The following NKAIN2 variants were observed in gnomAD, a reference collection of about 807,000 sequenced individuals.
NKAIN2 encodes sodium/potassium-transporting ATPase subunit beta-1-interacting protein 2.
In NKAIN2, 14 loss-of-function variants were observed where a neutral mutation model predicts 32.6. The observed-to-expected ratio is 0.43, with a 90% CI of 0.28 to 0.67. The LOEUF (loss-of-function observed/expected upper bound fraction) is 0.67, where lower values mean the gene tolerates loss of function less well. Ranked by LOEUF, NKAIN2 falls within the 30% of genes least tolerant of loss-of-function variation. The probability of loss-of-function intolerance (pLI) is 0.17; values close to 1 mark genes in which losing one functional copy is unlikely to be tolerated. For synonymous variants in NKAIN2, 80 were observed against 87.2 expected (o/e 0.92, Z 0.46); for missense variants, 198 against 258.3 (o/e 0.77, Z 1.60).
chr6:124,186,888 A>T (rs951747247), intron 1 of NKAIN2, among the ~76,000 whole-genome samples: 1 of 152,168 alleles, frequency 6.6e-6, no homozygotes, highest in African/African-American at 2.4e-5. Flanking sequence ...TAAATATTTC[A>T]TTATTGGGGC....
At chr6:124,601,753 T>C (rs1782315231) in intron 3 of NKAIN2, among the ~76,000 whole-genome samples, 3 of 151,930 alleles carry the variant, frequency 2.0e-5, no homozygotes, top group African/African-American at 4.8e-5. Flanking sequence ...AACAAATATG[T>C]AGGAAAAATG....
At chr6:123,947,051 C>T (rs1018759470) in intron 1 of NKAIN2, among the ~76,000 whole-genome samples, 1 of 152,192 alleles carries the variant, frequency 6.6e-6, no homozygotes, top group Non-Finnish European at 1.5e-5. Flanking sequence ...GCTTGGCTTC[C>T]TACATTCAGG....
chr6:124,029,913 C>T (rs558586920), intron 1 of NKAIN2, among the ~76,000 whole-genome samples: 9 of 152,080 alleles, frequency 5.9e-5, no homozygotes, highest in East Asian at 1.9e-4. Flanking sequence ...ATCTAGGTTG[C>T]GTGCTCCTTA....
intron 1 of NKAIN2, among the ~76,000 whole-genome samples, chr6:123,854,652 A>T (rs1013302330): frequency 3.3e-5 from 5 of 152,172 alleles, no homozygotes; most frequent in Non-Finnish European, 7.3e-5. Context: ...ATCCAAATTT[A>T]CAGACAAGTA....
chr6:124,169,546 T>A (rs1471988941), intron 1 of NKAIN2, among the ~76,000 whole-genome samples: 1 of 152,214 alleles, frequency 6.6e-6, no homozygotes, highest in Non-Finnish European at 1.5e-5. Flanking sequence ...GGCAAAAAGA[T>A]AAGTTCACTG....
intron 3 of NKAIN2, among the ~76,000 whole-genome samples, chr6:124,433,384 C>G (rs141566632): frequency 5.5e-4 from 83 of 152,286 alleles, no homozygotes; most frequent in African/African-American, 2.0e-3. Flanking sequence ...CATTGCTGCC[C>G]TTGGAGGGGC....
chr6:124,575,172 G>A (rs1349493282), intron 3 of NKAIN2, among the ~76,000 whole-genome samples: 1 of 152,194 alleles, frequency 6.6e-6, no homozygotes, highest in Non-Finnish European at 1.5e-5. Context: ...CTTTAGGGGA[G>A]ATGGTGGCCC....
intron 1 of NKAIN2, among the ~76,000 whole-genome samples, chr6:123,903,426 T>C (rs182585299): frequency 6.6e-6 from 1 of 152,328 alleles, no homozygotes; most frequent in African/African-American, 2.4e-5. Context: ...TCAAGATTCC[T>C]CCATTTTATG....
At chr6:124,514,359 C>G (rs1268445437) in intron 3 of NKAIN2, among the ~76,000 whole-genome samples, 1 of 152,138 alleles carries the variant, frequency 6.6e-6, no homozygotes. Context: ...GCTATCCCAG[C>G]AAGCCTGATG....
chr6:124,383,317 A>AT (rs1772730106), intron 3 of NKAIN2, among the ~76,000 whole-genome samples: 1 of 151,976 alleles, frequency 6.6e-6, no homozygotes, highest in African/African-American at 2.4e-5. Context: ...TCTCCAATCC[A>AT]TTTTTTTGAC....
intron 2 of NKAIN2, among the ~76,000 whole-genome samples, chr6:124,303,901 G>A (rs1796400984): frequency 6.6e-6 from 1 of 152,164 alleles, no homozygotes; most frequent in African/African-American, 2.4e-5. Flanking sequence ...TGAATGATTT[G>A]TTCATGATTG....
At chr6:124,294,931 GTT>G (rs1422024933) in intron 2 of NKAIN2, among the ~76,000 whole-genome samples, 1 of 152,118 alleles carries the variant, frequency 6.6e-6, no homozygotes, top group East Asian at 1.9e-4. Flanking sequence ...TACCAGTTAT[GTT>G]TATGGAATTT....
chr6:124,301,301 C>T (rs183418732), intron 2 of NKAIN2, among the ~76,000 whole-genome samples: 7 of 152,276 alleles, frequency 4.6e-5, no homozygotes, highest in African/African-American at 1.7e-4. Flanking sequence ...GGAACTGCTG[C>T]CTAGATTTCA....
chr6:123,984,292 AT>A (rs942431156), intron 1 of NKAIN2, among the ~76,000 whole-genome samples: 2 of 151,914 alleles, frequency 1.3e-5, no homozygotes, highest in Admixed American at 6.6e-5. Flanking sequence ...TTAGTTCCTG[AT>A]TTTTTTTATT....
At chr6:123,909,197 G>A (rs895539024) in intron 1 of NKAIN2, among the ~76,000 whole-genome samples, 1 of 151,896 alleles carries the variant, frequency 6.6e-6, no homozygotes, top group African/African-American at 2.4e-5. Flanking sequence ...TTGAATCTGT[G>A]CCCTATCTAC....
intron 3 of NKAIN2, among the ~76,000 whole-genome samples, chr6:124,356,306 C>T (rs1194991194): frequency 6.6e-6 from 1 of 152,154 alleles, no homozygotes; most frequent in Non-Finnish European, 1.5e-5. Flanking sequence ...AATGGTAATA[C>T]ACATTTATGA....
Position 124,331,398 on chromosome 6 carries a change from G to A in NKAIN2, c.193-23869G>A, listed in dbSNP as rs150885024. ...AAAAAAACTAGCTGGGCGTGGTGGC[G>A]GATGCCTGTAGTCCCAACTACACGG... is the stretch of plus-strand genomic sequence containing the variant. On this transcript the variant is annotated intron_variant, in intron 2 of 6. Coordinates refer to ENST00000368417, the MANE Select transcript of NKAIN2 (RefSeq NM_001040214.3). Among the ~76,000 whole-genome samples, 701 of 144,414 alleles carry A rather than the reference G, an allele frequency of 4.9e-3. 7 individuals are homozygous for A. Among genetic ancestry groups the A allele is most frequent in the African/African-American group, 0.016 (628 of 38,538 alleles). 94.7% of individuals were successfully genotyped at this position (144,414 alleles called of 152,430 possible).
intron 1 of NKAIN2, among the ~76,000 whole-genome samples, chr6:123,947,939 C>A (rs960129302): frequency 6.6e-6 from 1 of 152,102 alleles, no homozygotes; most frequent in African/African-American, 2.4e-5. Flanking sequence ...CCCTTTTCAG[C>A]CTCTGGTATC....
chr6:123,969,755 G>A (rs1778254390), intron 1 of NKAIN2, among the ~76,000 whole-genome samples: 1 of 152,170 alleles, frequency 6.6e-6, no homozygotes. Context: ...CCCTAGGACA[G>A]AGTAAAGAAA....
Sources: gnomAD v4.1 joint callset for allele counts (sites outside exome capture counted in the v4.1 genomes callset) on GRCh38, gnomAD v4.1.1 for gene constraint, MANE v1.5 for transcripts, NCBI Gene and HGNC (gene_info 2026-07-23, HGNC 2026-07-21) for gene names.